Variants in ATP2C2 observed in about 807,000 individuals in gnomAD.
The protein encoded by ATP2C2 is ATPase secretory pathway Ca2+ transporting 2.
In ATP2C2, 171 loss-of-function variants were observed where a neutral mutation model predicts 110.8. That is an observed-to-expected ratio of 1.54 (90% CI 1.36 to 1.75). ATP2C2 has a LOEUF of 1.75. Among genes scored for constraint, ATP2C2 ranks in the 40% most tolerant of loss-of-function variants. The probability of loss-of-function intolerance (pLI) is 0.00; values close to 1 mark genes in which losing one functional copy is unlikely to be tolerated. For synonymous variants in ATP2C2, 804 were observed against 508.4 expected, an observed-to-expected ratio of 1.58 and a Z score of -7.82; for missense variants, 1,963 against 1,235.0, an observed-to-expected ratio of 1.59 and a Z score of -8.84.
chr16:84,426,361 A>T (rs946175637), intron 11 of ATP2C2, among the ~76,000 whole-genome samples: 1 of 152,134 alleles, frequency 6.6e-6, no homozygotes, highest in African/African-American at 2.4e-5. Flanking sequence ...CCATCGTCCA[A>T]TCTCCTCCCA....
intron 1 of ATP2C2, among the ~76,000 whole-genome samples, chr16:84,376,714 G>A (rs1910271044): frequency 6.6e-6 from 1 of 152,188 alleles, no homozygotes; most frequent in Non-Finnish European, 1.5e-5. Context: ...TGGAGGAGGG[G>A]AGATGCCAAG....
At chr16:84,369,040 A>G (rs7195943) in intron 1 of ATP2C2, among the ~76,000 whole-genome samples, 58,477 of 152,156 alleles carry the variant, frequency 0.38, 11,726 homozygotes, top group East Asian at 0.7. Flanking sequence ...CCAGAGAATT[A>G]AAATTCCTGG....
Position 84,405,171 on chromosome 16 carries a change from G to A in ATP2C2, c.254G>A (p.Arg85His), listed in dbSNP as rs557318842. The A allele has an allele frequency of 3.2e-5, 52 of 1,613,660 alleles. No homozygotes were observed. Among genetic ancestry groups the A allele is most frequent in the Non-Finnish European group, 4.1e-5 (48 of 1,179,958 alleles). Residue 85 changes from arginine to histidine, a missense_variant, in exon 3 of 27, where the codon CGC (arginine) becomes CAC (histidine). Arg to His is a conservative substitution (Grantham distance 29). Transcript: ENST00000262429. ...TGLSEFSVTQ[R>H]RLAHGWNEFV... ...CTGTCGGAGTTCTCGGTGACGCAGCGCCGGCTGGCCCATGGCTGGAATGAG... is the reference window on the plus strand; with the variant it reads ...CTGTCGGAGTTCTCGGTGACGCAGCACCGGCTGGCCCATGGCTGGAATGAG...
chr16:84,447,694 T>C (rs1294620228), intron 16 of ATP2C2, among the ~76,000 whole-genome samples: 1 of 144,492 alleles, frequency 6.9e-6, no homozygotes, highest in Non-Finnish European at 1.5e-5. Context: ...TTATTTAATA[T>C]ATATTATGTA....
chr16:84,394,457 G>A lies in ATP2C2; in HGVS notation c.100-4042G>A, dbSNP rs895380629. ...GGACTCACATACCGTGTGGCCTTTTGTGTCTGGCTTCTTCCGCTTAGTGTG... is the reference window on the plus strand; with the variant it reads ...GGACTCACATACCGTGTGGCCTTTTATGTCTGGCTTCTTCCGCTTAGTGTG... On this transcript the variant is annotated intron_variant, in intron 1 of 26. Coordinates refer to ENST00000262429, the MANE Select transcript of ATP2C2 (RefSeq NM_014861.4). Among the ~76,000 whole-genome samples, 2 of 152,092 alleles carry A rather than the reference G, an allele frequency of 1.3e-5. 1 individual carries two copies. The highest frequency in any genetic ancestry group is 4.8e-5 in the African/African-American group (2 of 41,348).
chr16:84,445,063 G>T (rs1434276021), intron 15 of ATP2C2, among the ~76,000 whole-genome samples: 5 of 152,132 alleles, frequency 3.3e-5, no homozygotes, highest in African/African-American at 1.2e-4. Context: ...TGTGAGCAGG[G>T]CCAGGCTCCG....
rs139928736 is a variant in ATP2C2, at chr16:84,455,682, T to G, written c.2147+698T>G. Among the ~76,000 whole-genome samples, 790 of 151,778 alleles carry G rather than the reference T, an allele frequency of 5.2e-3. 6 individuals carry two copies. The highest frequency in any genetic ancestry group is 0.017 in the African/African-American group (713 of 41,286). On this transcript the variant is annotated intron_variant, in intron 21 of 26. Transcript: ENST00000262429. ...AATCCAAATAAACAAATATTGAGGC[T>G]AGGTGGATCGTGCACTTTACAAAGG...
chr16:84,405,377 C>G, intron 3 of ATP2C2, 133 bp downstream of exon 3: 2 of 734,744 alleles, frequency 2.7e-6, no homozygotes, highest in Non-Finnish European at 4.4e-6. Context: ...CCCAGCCAGC[C>G]TGAGCATCAG....
chr16:84,412,607 C>T (rs1383062868), intron 6 of ATP2C2, among the ~76,000 whole-genome samples: 1 of 151,998 alleles, frequency 6.6e-6, no homozygotes, highest in East Asian at 1.9e-4. Context: ...CTATGTTGCT[C>T]AGTCTGGGAA....
At position 84,430,024 on chromosome 16, in the gene ATP2C2, CTCT is replaced by C. The variant is rs200934721; in HGVS notation, c.986+4228_986+4230del. Among the ~76,000 whole-genome samples, 1,219 of 152,272 alleles carry C rather than the reference CTCT, an allele frequency of 8.0e-3. 19 individuals are homozygous for C. The highest frequency in any genetic ancestry group is 0.027 in the African/African-American group (1,120 of 41,542). ...CTCCTCCTCTGTCTCTGCGTCTCTT[CTCT>C]TCTTTTTATAAGGACGCCAGTTGTA... On this transcript the variant is annotated intron_variant, in intron 11 of 26. Coordinates refer to ENST00000262429, the MANE Select transcript of ATP2C2 (RefSeq NM_014861.4).
At chr16:84,389,501 C>T (rs958563330) in intron 1 of ATP2C2, among the ~76,000 whole-genome samples, 1 of 152,206 alleles carries the variant, frequency 6.6e-6, no homozygotes, top group African/African-American at 2.4e-5. Context: ...ATGCGGTACT[C>T]GTGTATACTG....
intron 21 of ATP2C2, among the ~76,000 whole-genome samples, chr16:84,456,455 C>A (rs12920095): frequency 1.3e-4 from 18 of 143,472 alleles, no homozygotes; most frequent in African/African-American, 3.8e-4. Flanking sequence ...CCTCTCTCAC[C>A]GCTCCTATTC....
At chr16:84,447,169 A>G (rs1442175853) in intron 16 of ATP2C2, among the ~76,000 whole-genome samples, 1 of 152,074 alleles carries the variant, frequency 6.6e-6, no homozygotes, top group Admixed American at 6.5e-5. Context: ...TCTTTCTAGA[A>G]TCTATCATGT....
At chr16:84,390,629 G>A (rs1425617991) in intron 1 of ATP2C2, among the ~76,000 whole-genome samples, 1 of 152,168 alleles carries the variant, frequency 6.6e-6, no homozygotes, top group African/African-American at 2.4e-5. Context: ...GCTGGAAAGG[G>A]CGTGGGGAGT....
intron 18 of ATP2C2, 115 bp from the exon 19 acceptor site, chr16:84,453,022 TA>T: frequency 9.1e-7 from 1 of 1,096,632 alleles, no homozygotes; most frequent in South Asian, 1.5e-5. Context: ...AGGTCCTCAG[TA>T]AACCGTCTCC....
At chr16:84,378,189 C>G (rs1910360797) in intron 1 of ATP2C2, among the ~76,000 whole-genome samples, 1 of 152,212 alleles carries the variant, frequency 6.6e-6, no homozygotes. Context: ...CACCCCCATG[C>G]ACTTCTCAGG....
intron 3 of ATP2C2, among the ~76,000 whole-genome samples, chr16:84,406,914 C>A (rs766873665): frequency 2.0e-5 from 3 of 152,162 alleles, no homozygotes; most frequent in Non-Finnish European, 2.9e-5. Flanking sequence ...TTCCTTCTCA[C>A]CAAGGATCCT....
intron 13 of ATP2C2, among the ~76,000 whole-genome samples, chr16:84,440,164 G>C (rs1484499304): frequency 6.6e-6 from 1 of 152,204 alleles, no homozygotes; most frequent in Non-Finnish European, 1.5e-5. Flanking sequence ...CCAGGGTCTT[G>C]CTGTGTCGCC....
chr16:84,442,500 C>A lies in ATP2C2; in HGVS notation c.1312-10C>A, dbSNP rs1014919852. On this transcript the variant is annotated splice_polypyrimidine_tract_variant and intron_variant, in intron 14 of 26. Transcript: ENST00000262429. ...TACTAACTACAGATGTCCGGACAAT[C>A]CCCTTTTAGGCGGGCTGTGTTGCCA... 11 of 1,613,706 alleles carry A rather than the reference C, an allele frequency of 6.8e-6. No homozygotes were observed. Among genetic ancestry groups the A allele is most frequent in the African/African-American group, 1.3e-5 (1 of 74,908 alleles).
Sources: gnomAD v4.1 joint callset for allele counts (sites outside exome capture counted in the v4.1 genomes callset) on GRCh38, gnomAD v4.1.1 for gene constraint, MANE v1.5 for transcripts, NCBI Gene and HGNC (gene_info 2026-07-23, HGNC 2026-07-21) for gene names.